The following POLG2 variants were observed in gnomAD, a reference collection of about 807,000 sequenced individuals.
POLG2 encodes the protein DNA polymerase gamma 2, accessory subunit, also known as DNA polymerase subunit gamma-2.
Under a neutral mutation model 56.5 loss-of-function variants are expected in POLG2, and 50 were observed. That is an observed-to-expected ratio of 0.88 (90% CI 0.71 to 1.12). The LOEUF is 1.12. Ranked by LOEUF, POLG2 falls within the 50% of genes most tolerant of loss-of-function variation. POLG2 has a pLI of 0.00. For missense variants in POLG2, 584 were observed against 583.3 expected (o/e 1.00, Z -0.01); for synonymous variants, 226 against 222.6 (o/e 1.02, Z -0.14).
At chr17:64,495,019 A>C (rs987003255) in intron 1 of POLG2, among the ~76,000 whole-genome samples, 1 of 151,908 alleles carries the variant, frequency 6.6e-6, no homozygotes, top group Admixed American at 6.6e-5. Flanking sequence ...TAAAAATACA[A>C]AAAATTAGCC....
chr17:64,496,980 G>C lies in POLG2; in HGVS notation c.-12C>G, dbSNP rs781834593. ...ACACGAGAGCGCATCTCTCTCCGAA[G>C]TTAAAGAGCACACTCTCCCATCACT... On this transcript the variant is annotated 5_prime_UTR_variant, in exon 1 of 8. Transcript: ENST00000539111. 5.0e-6 allele frequency: 8 copies of C among 1,600,730 alleles called. No homozygotes were observed. The highest frequency in any genetic ancestry group is 1.3e-5 in the African/African-American group (1 of 75,022).
intron 4 of POLG2, among the ~76,000 whole-genome samples, chr17:64,488,576 A>G (rs2037998696): frequency 6.6e-6 from 1 of 152,152 alleles, no homozygotes; most frequent in Non-Finnish European, 1.5e-5. Context: ...AGACACTAAT[A>G]GCCACAATAC....
In POLG2 at chr17:64,497,028, A is replaced by T; in HGVS notation, c.-60T>A. The T allele has an allele frequency of 6.7e-7, 1 of 1,502,248 alleles. No individual in the cohort carries two copies. Among genetic ancestry groups the T allele is most frequent in the Non-Finnish European group, 9.2e-7 (1 of 1,091,740 alleles). The allele number at this position is 1,502,248 out of a possible 1,614,324, so 93.1% of individuals were successfully genotyped here. ...ACTCAACGGATCCCAACAAGCCACC[A>T]CTACCGTTAACAGAATCCGGAGAGG... On this transcript the variant is annotated 5_prime_UTR_variant, in exon 1 of 8. Transcript: ENST00000539111.
chr17:64,484,961 C>A (rs537377494), intron 5 of POLG2, among the ~76,000 whole-genome samples: 1 of 152,294 alleles, frequency 6.6e-6, no homozygotes, highest in South Asian at 2.1e-4. Flanking sequence ...TAAACCCCCA[C>A]TCTTCCACAT....
chr17:64,495,319 C>T (rs2038132377), intron 1 of POLG2, among the ~76,000 whole-genome samples: 1 of 152,078 alleles, frequency 6.6e-6, no homozygotes, highest in South Asian at 2.1e-4. Context: ...GTGGCTCACA[C>T]CTGTAATCCC....
rs569364651 is a variant in POLG2 at position 64,482,999 on chromosome 17, C to T, written c.1111G>A (p.Val371Ile). The T allele has an allele frequency of 1.3e-6, 2 of 1,571,036 alleles. No homozygotes were observed. The highest frequency in any genetic ancestry group is 4.5e-5 in the East Asian group (2 of 44,650). Reference sequence around the variant, plus strand: ...GCTAAACAAGGGTGAAGTTTAAGTACCTAAGGCAATTAAATGGGGGAGGGA... The same window carrying T: ...GCTAAACAAGGGTGAAGTTTAAGTATCTAAGGCAATTAAATGGGGGAGGGA... ...FTRKKNLHRK[V>I]LKLHPCLAPI... The change falls in exon 6 of 8, where the codon GTA becomes ATA. Residue 371 changes from valine (V) to isoleucine (I), a missense_variant and splice_region_variant. Transcript: ENST00000539111.
In POLG2 at chr17:64,497,032, C is replaced by G. The variant is rs1049172633; in HGVS notation, c.-64G>C. ...AACGGATCCCAACAAGCCACCACTA[C>G]CGTTAACAGAATCCGGAGAGGCCAC... is the stretch of plus-strand genomic sequence containing the variant. On this transcript the variant is annotated 5_prime_UTR_variant, in exon 1 of 8. Coordinates refer to ENST00000539111, the MANE Select transcript of POLG2 (RefSeq NM_007215.4). 4 of 1,494,676 alleles carry G rather than the reference C, an allele frequency of 2.7e-6. No homozygotes were observed. Among genetic ancestry groups the G allele is most frequent in the South Asian group, 1.1e-5 (1 of 88,670 alleles). 92.6% of individuals were successfully genotyped at this position (1,494,676 alleles called of 1,614,324 possible).
Position 64,492,911 on chromosome 17 carries a change from G to A in POLG2, c.673C>T (p.Arg225Ter), listed in dbSNP as rs371515325. The A allele has an allele frequency of 5.6e-6, 9 of 1,613,758 alleles. No homozygotes were observed. The highest frequency in any genetic ancestry group is 3.3e-4 in the Middle Eastern group (2 of 6,084). Residue 225 changes from arginine to a stop codon, truncating the protein, a stop_gained, in exon 2 of 8, where the codon CGA becomes TGA. Coordinates refer to ENST00000539111, the MANE Select transcript of POLG2 (RefSeq NM_007215.4). LOFTEE classifies it high-confidence loss of function. ...TTTTTATACCTTTTAACACCATTTCGTATCTGCTTAGTGTCAAAAACAGGA... is the reference window on the plus strand; with the variant it reads ...TTTTTATACCTTTTAACACCATTTCATATCTGCTTAGTGTCAAAAACAGGA... The part of the protein sequence containing the change: ...FHPVFDTKQI[R>*]NGVKSIGEKT...
At position 64,496,953 on chromosome 17, in the gene POLG2, C is replaced by T. The variant is rs373387408; in HGVS notation, c.16G>A (p.Ala6Thr). 3 of 1,606,890 alleles carry T rather than the reference C, an allele frequency of 1.9e-6. No homozygotes were observed. The South Asian group carries it at 3.3e-5, about 18-fold the overall frequency. Reference sequence around the variant, plus strand: ...CAGACCTTATGGCAGGCCCTGACGGCTACACGAGAGCGCATCTCTCTCCGA... The same window carrying T: ...CAGACCTTATGGCAGGCCCTGACGGTTACACGAGAGCGCATCTCTCTCCGA... Reference protein sequence around the residue: MRSRVAVRACHKVCRC... With the variant: MRSRVTVRACHKVCRC... Residue 6 changes from alanine to threonine, a missense_variant, in exon 1 of 8, where the codon GCC becomes ACC. Coordinates refer to ENST00000539111, the MANE Select transcript of POLG2 (RefSeq NM_007215.4).
At chr17:64,493,491 TC>T (rs1302404447) in intron 1 of POLG2, among the ~76,000 whole-genome samples, 3 of 152,070 alleles carry the variant, frequency 2.0e-5, no homozygotes, top group Non-Finnish European at 4.4e-5. Context: ...TTGAAGATTT[TC>T]TTTTTTTTTT....
At chr17:64,492,619 A>C (rs782594730) in intron 3 of POLG2, 48 bp downstream of exon 3, 11 of 1,092,408 alleles carry the variant, frequency 1.0e-5, no homozygotes, top group Non-Finnish European at 1.5e-5. Context: ...TGACACATTA[A>C]GACAATTTAT....
intron 1 of POLG2, among the ~76,000 whole-genome samples, chr17:64,494,119 G>C (rs1487019206): frequency 1.3e-5 from 2 of 152,054 alleles, no homozygotes; most frequent in African/African-American, 4.8e-5. Flanking sequence ...TCATCCATTT[G>C]AATCTAGAAC....
chr17:64,496,965 G>A lies in POLG2; in HGVS notation c.4C>T (p.Arg2Cys), dbSNP rs140885161. 2 of 1,604,576 alleles carry A rather than the reference G, an allele frequency of 1.2e-6. No homozygotes were observed. The highest frequency in any genetic ancestry group is 2.2e-5 in the South Asian group (2 of 91,072). The change falls in exon 1 of 8, where the codon CGC (arginine) becomes TGC (cysteine). Residue 2 changes from arginine to cysteine, a missense_variant. By Grantham distance (180) the Arg-to-Cys change is radical. Transcript: ENST00000539111. ...CAGGCCCTGACGGCTACACGAGAGC[G>A]CATCTCTCTCCGAAGTTAAAGAGCA... M[R>C]SRVAVRACHK...
chr17:64,491,131 C>T (rs2038051308), intron 3 of POLG2, among the ~76,000 whole-genome samples, 162 bp from the exon 4 acceptor site: 2 of 152,140 alleles, frequency 1.3e-5, no homozygotes, highest in African/African-American at 4.8e-5. Context: ...TTCTAATTTA[C>T]ATTTTTTTTT....
At position 64,488,649 on chromosome 17, in the gene POLG2, A is replaced by G. The variant is rs186483796; in HGVS notation, c.969+2147T>C. Reference sequence around the variant, plus strand: ...TGTTCGTTAACTATGATAATAACCAATAAGTTTCATTTGAGAGCTGAGTAC... The same window carrying G: ...TGTTCGTTAACTATGATAATAACCAGTAAGTTTCATTTGAGAGCTGAGTAC... On this transcript the variant is annotated intron_variant, in intron 4 of 7. Coordinates refer to ENST00000539111, the MANE Select transcript of POLG2 (RefSeq NM_007215.4). Among the ~76,000 whole-genome samples, 53 of 152,340 alleles carry G rather than the reference A, an allele frequency of 3.5e-4. No individual in the cohort carries two copies. In the East Asian group the frequency reaches 5.8e-3, roughly 17 times the overall value.
At chr17:64,490,697 G>GTGT in intron 4 of POLG2, 99 bp downstream of exon 4, 1 of 865,918 alleles carries the variant, frequency 1.2e-6, no homozygotes, top group Non-Finnish European at 2.0e-6. Flanking sequence ...ACACAATGAA[G>GTGT]TGTTAAGACA....
intron 3 of POLG2, chr17:64,491,939 CAAAA>C (rs782671593): frequency 6.9e-6 from 1 of 144,810 alleles, no homozygotes; most frequent in African/African-American, 3.1e-5. Flanking sequence ...AAAAAAAAAA[CAAAA>C]AAAAAACCAA....
chr17:64,482,772 T>G (rs2037883486), intron 6 of POLG2, 147 bp downstream of exon 6: 1 of 616,314 alleles, frequency 1.6e-6, no homozygotes, highest in Admixed American at 2.6e-5. Context: ...AAGGAAATGC[T>G]CATCAGAACA....
chr17:64,492,972 T>C lies in POLG2; in HGVS notation c.612A>G (p.Leu204=). ...CTCCAATCTGAGCAAGGCCATAAGG[T>C]AGCCTCTTGTTTACCAGATCCAGGC... ...VNCLDLVNKR[L]PYGLAQIGVC... The change falls in exon 2 of 8, where the codon CTA becomes CTG. Residue 204 remains leucine (L), a synonymous_variant. Coordinates refer to ENST00000539111, the MANE Select transcript of POLG2 (RefSeq NM_007215.4). 2 of 1,613,984 alleles carry C rather than the reference T, an allele frequency of 1.2e-6. No homozygotes were observed. The highest frequency in any genetic ancestry group is 2.2e-5 in the South Asian group (2 of 91,084).
Sources: gnomAD v4.1 joint callset for allele counts (sites outside exome capture counted in the v4.1 genomes callset) on GRCh38, gnomAD v4.1.1 for gene constraint, MANE v1.5 for transcripts, NCBI Gene and HGNC (gene_info 2026-07-23, HGNC 2026-07-21) for gene names.